The following CNOT1 variants were observed in gnomAD, a reference collection of about 807,000 sequenced individuals.
The protein encoded by CNOT1 is CCR4-NOT transcription complex subunit 1, also known as CCR4-associated factor 1.
In CNOT1, 15 loss-of-function variants were observed where a neutral mutation model predicts 273.8. The ratio of observed to expected loss-of-function variants is 0.05; its 90% CI spans 0.04 to 0.08. CNOT1 has a LOEUF of 0.08. Among genes scored for constraint, CNOT1 ranks in the 10% least tolerant of loss-of-function variants. CNOT1 has a pLI of 1.00. For synonymous variants in CNOT1, 1,022 were observed against 1,005.5 expected (o/e 1.02, Z -0.31); for missense variants, 1,644 against 2,912.2 (o/e 0.56, Z 10.02).
At chr16:58,583,576 C>A (rs865787084) in intron 8 of CNOT1, among the ~76,000 whole-genome samples, 6 of 152,124 alleles carry the variant, frequency 3.9e-5, no homozygotes, top group African/African-American at 1.2e-4. Context: ...CAAGTATTTC[C>A]GCTTGGGCTC....
At chr16:58,553,102 G>A (rs1052467828) in intron 22 of CNOT1, among the ~76,000 whole-genome samples, 9 of 151,858 alleles carry the variant, frequency 5.9e-5, no homozygotes, top group East Asian at 3.9e-4. Flanking sequence ...TTGAAACCTC[G>A]TCTCTACAAA....
intron 13 of CNOT1, among the ~76,000 whole-genome samples, chr16:58,578,452 CAAA>C (rs61105275): frequency 5.8e-5 from 6 of 103,076 alleles, no homozygotes; most frequent in Admixed American, 1.1e-4. Flanking sequence ...GACACCATCT[CAAA>C]AAAAAAAAAA....
At chr16:58,575,955 G>GA (rs1399162537) in intron 14 of CNOT1, among the ~76,000 whole-genome samples, 1 of 152,084 alleles carries the variant, frequency 6.6e-6, no homozygotes, top group East Asian at 1.9e-4. Flanking sequence ...ACAATATATG[G>GA]AAGACCAATC....
At chr16:58,620,787 T>A (rs976774931) in intron 1 of CNOT1, among the ~76,000 whole-genome samples, 1 of 151,256 alleles carries the variant, frequency 6.6e-6, no homozygotes, top group Non-Finnish European at 1.5e-5. Context: ...CAGATGAAGG[T>A]ATTAGAATGA....
chr16:58,528,754 T>A, intron 43 of CNOT1, 106 bp from the exon 44 acceptor site: 1 of 648,108 alleles, frequency 1.5e-6, no homozygotes, highest in Middle Eastern at 2.9e-4. Flanking sequence ...TGAAGTATAC[T>A]TTAGTAACAT....
intron 21 of CNOT1, among the ~76,000 whole-genome samples, chr16:58,554,919 G>C (rs1027003027): frequency 2.3e-4 from 21 of 92,166 alleles, no homozygotes; most frequent in African/African-American, 9.0e-4. Flanking sequence ...CTGGGGGACA[G>C]AGCAAGACTC....
chr16:58,582,745 A>T (rs368960595), intron 10 of CNOT1, 48 bp downstream of exon 10: 1 of 1,098,722 alleles, frequency 9.1e-7, no homozygotes. Context: ...TCTTTGGACT[A>T]TATCATTCAA....
chr16:58,532,326 G>A lies in CNOT1; in HGVS notation c.5965C>T (p.Pro1989Ser). ...DVRQSEFQQLPYHRIFIMLLL... is the reference protein window; with the variant it reads ...DVRQSEFQQLSYHRIFIMLLL... ...AGCATGATAAAAATTCGATGGTAGG[G>A]AAGTTGCTGAAATTCACTCTGACGA... The change falls in exon 41 of 49, where the codon CCC becomes TCC. Residue 1989 changes from proline to serine, a missense_variant. Pro to Ser is a moderately conservative substitution (Grantham distance 74). Coordinates refer to ENST00000317147, the MANE Select transcript of CNOT1 (RefSeq NM_016284.5). 3.1e-6 allele frequency: 5 copies of A among 1,614,160 alleles called. No individual in the cohort carries two copies. Among genetic ancestry groups the A allele is most frequent in the Non-Finnish European group, 3.4e-6 (4 of 1,180,022 alleles).
At position 58,605,807 on chromosome 16, in the gene CNOT1, C is replaced by A. The variant is rs144428605; in HGVS notation, c.-174-6296G>T. ...CTGAGTAGCTAGGACTACAAGCGCC[C>A]GCTGCCACACGGCTAATTTTTGTAT... is the stretch of plus-strand genomic sequence containing the variant. On this transcript the variant is annotated intron_variant, in intron 1 of 48. Coordinates refer to ENST00000317147, the MANE Select transcript of CNOT1 (RefSeq NM_016284.5). Among the ~76,000 whole-genome samples, 732 of 152,198 alleles carry A rather than the reference C, an allele frequency of 4.8e-3. 1 individual carries two copies. Among genetic ancestry groups the A allele is most frequent in the Non-Finnish European group, 8.6e-3 (583 of 68,022 alleles).
In CNOT1 at chr16:58,546,386, T is replaced by C; in HGVS notation, c.3941A>G (p.Glu1314Gly). 6.2e-7 allele frequency: 1 copy of C among 1,613,996 alleles called. No homozygotes were observed. The highest frequency in any genetic ancestry group is 8.5e-7 in the Non-Finnish European group (1 of 1,179,948). The change falls in exon 29 of 49, where the codon GAG becomes GGG. Residue 1314 changes from glutamate to glycine, a missense_variant. Transcript: ENST00000317147. ...ATCTTTCTTTGGAGCAGAGAGTTGCTCATCTAAATTCTTCAGGCGATCTTT... is the reference window on the plus strand; with the variant it reads ...ATCTTTCTTTGGAGCAGAGAGTTGCCCATCTAAATTCTTCAGGCGATCTTT... ...KDKDRLKNLDEQLSAPKKDVK... is the reference protein window; with the variant it reads ...KDKDRLKNLDGQLSAPKKDVK...
At position 58,541,603 on chromosome 16, in the gene CNOT1, T is replaced by C. The variant is rs751241156; in HGVS notation, c.4698A>G (p.Pro1566=). The change falls in exon 34 of 49, where the codon CCA becomes CCG. Residue 1566 remains proline, a synonymous_variant. Transcript: ENST00000317147. ...QIRLKVGGVD[P]KQLAVYEEFA... ...ACTCTTCGTAAACAGCCAACTGCTT[T>C]GGGTCCACACCACCAACCTTGAAAG... 1.2e-6 allele frequency: 2 copies of C among 1,613,984 alleles called. No individual in the cohort carries two copies. The highest frequency in any genetic ancestry group is 1.7e-6 in the Non-Finnish European group (2 of 1,179,880).
intron 1 of CNOT1, among the ~76,000 whole-genome samples, chr16:58,627,713 A>G (rs974356036): frequency 4.6e-5 from 7 of 152,178 alleles, no homozygotes; most frequent in African/African-American, 1.7e-4. Flanking sequence ...AAAAGAGCAC[A>G]TTTCAATTCT....
chr16:58,526,524 A>AT (rs1280476639), intron 44 of CNOT1, among the ~76,000 whole-genome samples: 6 of 150,572 alleles, frequency 4.0e-5, no homozygotes, highest in South Asian at 2.1e-4. Context: ...AAAAAAAAAA[A>AT]AAAAAAAAAA....
Position 58,531,971 on chromosome 16 carries a change from G to A in CNOT1, c.6164C>T (p.Thr2055Met), listed in dbSNP as rs1394701183. ...RIFIARMLAH[T>M]PQQKGWPMYA... Reference sequence around the variant, plus strand: ...CTGCAGCCACACCTTCTGCTGTGGCGTATGTGCCAGCATTCTTGCAATAAA... The same window carrying A: ...CTGCAGCCACACCTTCTGCTGTGGCATATGTGCCAGCATTCTTGCAATAAA... Residue 2055 changes from threonine to methionine, a missense_variant, in exon 42 of 49, where the codon ACG becomes ATG. By Grantham distance (81) the Thr-to-Met change is moderately conservative. Around this residue, in one of 13 missense-constraint regions of CNOT1, gnomAD observed 7 missense variants for 35.6 expected, o/e 0.20. Coordinates refer to ENST00000317147, the MANE Select transcript of CNOT1 (RefSeq NM_016284.5). 8 of 1,614,064 alleles carry A rather than the reference G, an allele frequency of 5.0e-6. No individual in the cohort carries two copies. Among genetic ancestry groups the A allele is most frequent in the Admixed American group, 1.7e-5 (1 of 60,026 alleles).
chr16:58,585,984 T>C (rs1274714435), intron 7 of CNOT1, among the ~76,000 whole-genome samples: 1 of 151,880 alleles, frequency 6.6e-6, no homozygotes, highest in South Asian at 2.1e-4. Context: ...CTATCAGATT[T>C]GTTGTGAAAA....
intron 29 of CNOT1, 22 bp from the exon 30 acceptor site, chr16:58,545,513 G>A (rs1299299759): frequency 6.2e-7 from 1 of 1,612,436 alleles, no homozygotes; most frequent in Admixed American, 1.7e-5. Flanking sequence ...GTAATAAAAA[G>A]AGATTTAAAA....
At chr16:58,600,997 G>T (rs115712608) in intron 1 of CNOT1, among the ~76,000 whole-genome samples, 1,959 of 152,170 alleles carry the variant, frequency 0.013, 44 homozygotes, top group African/African-American at 0.045. Flanking sequence ...TCTTGTTGCC[G>T]AGGCTGGAGT....
intron 14 of CNOT1, among the ~76,000 whole-genome samples, chr16:58,575,688 A>G (rs541520962): frequency 1.3e-5 from 2 of 152,232 alleles, no homozygotes; most frequent in East Asian, 1.9e-4. Flanking sequence ...AGTCCCAGCT[A>G]CTTGGGAGGC....
intron 40 of CNOT1, chr16:58,532,827 C>G (rs1167491713): frequency 6.6e-6 from 1 of 150,744 alleles, no homozygotes; most frequent in African/African-American, 2.5e-5. Context: ...TCCCATTCCA[C>G]TTGACTTGCC....
Sources: allele counts gnomAD v4.1 joint callset (sites outside exome capture counted in the v4.1 genomes callset), GRCh38; gene constraint gnomAD v4.1.1; regional missense constraint gnomAD v4.1.1; transcripts MANE v1.5; gene names NCBI Gene and HGNC (gene_info 2026-07-23, HGNC 2026-07-21).